RAI1: variants seen among roughly 807,000 people sequenced by gnomAD.
The protein encoded by RAI1 is retinoic acid induced 1.
RAI1 carries 9 observed loss-of-function variants against 123.8 expected under a neutral mutation model. The observed-to-expected ratio is 0.07, with a 90% CI of 0.04 to 0.13. The LOEUF (loss-of-function observed/expected upper bound fraction) is 0.13, where lower values mean the gene tolerates loss of function less well. Ranked by LOEUF, RAI1 falls within the 10% of genes least tolerant of loss-of-function variation. RAI1 has a pLI of 1.00. For missense variants in RAI1, 2,256 were observed against 2,545.8 expected (o/e 0.89, Z 2.45); for synonymous variants, 1,231 against 1,127.3 (o/e 1.09, Z -1.84).
At chr17:17,752,790 C>T (rs2030261976) in intron 2 of RAI1, among the ~76,000 whole-genome samples, 2 of 152,232 alleles carry the variant, frequency 1.3e-5, no homozygotes, top group Admixed American at 1.3e-4. Flanking sequence ...TCCTCACCCC[C>T]TCAGGAGGCT....
chr17:17,699,951 C>T (rs1215013301), intron 1 of RAI1, among the ~76,000 whole-genome samples: 1 of 152,224 alleles, frequency 6.6e-6, no homozygotes, highest in Non-Finnish European at 1.5e-5. Context: ...TTGGGTGTCC[C>T]CCTCCAAGCC....
At chr17:17,739,497 G>A (rs1300218324) in intron 2 of RAI1, among the ~76,000 whole-genome samples, 3 of 152,234 alleles carry the variant, frequency 2.0e-5, no homozygotes, top group African/African-American at 7.2e-5. Context: ...GAGAGAATCT[G>A]GCAGCCAGGG....
At chr17:17,757,237 G>A (rs1693414843) in intron 2 of RAI1, among the ~76,000 whole-genome samples, 1 of 152,338 alleles carries the variant, frequency 6.6e-6, no homozygotes, top group African/African-American at 2.4e-5. Flanking sequence ...TGGCTTCTCT[G>A]GCCTGAAGAC....
intron 1 of RAI1, among the ~76,000 whole-genome samples, chr17:17,710,446 C>T (rs1226954371): frequency 6.6e-6 from 1 of 152,230 alleles, no homozygotes. Context: ...AGTGCTCCAT[C>T]CCCCACCCCA....
At chr17:17,722,930 G>A (rs1463181658) in intron 1 of RAI1, among the ~76,000 whole-genome samples, 1 of 152,214 alleles carries the variant, frequency 6.6e-6, no homozygotes, top group Non-Finnish European at 1.5e-5. Context: ...TTCTGCCGCG[G>A]TGCGATCCCC....
rs2032329873 is a variant in RAI1 at position 17,798,102 on chromosome 17, A to T, written c.5154A>T (p.Lys1718Asn). The T allele has an allele frequency of 6.2e-7, 1 of 1,613,658 alleles. No homozygotes were observed. ...ACTGCCTCCCCAAAAAGAAGCCAAA[A>T]CTCAAGGAGAAGGTGCGGCCAGAAG... is the stretch of plus-strand genomic sequence containing the variant. ...PEHCLPKKKPKLKEKVRPEGT... is the reference protein window; with the variant it reads ...PEHCLPKKKPNLKEKVRPEGT... Residue 1718 changes from lysine (K) to asparagine (N), a missense_variant, in exon 3 of 6, where the codon AAA becomes AAT. Physicochemically the swap from Lys to Asn is moderately conservative, Grantham distance 94 (BLOSUM62 0). Coordinates refer to ENST00000353383, the MANE Select transcript of RAI1 (RefSeq NM_030665.4).
intron 2 of RAI1, among the ~76,000 whole-genome samples, chr17:17,766,655 A>G (rs1320802986): frequency 6.6e-6 from 1 of 152,236 alleles, no homozygotes; most frequent in South Asian, 2.1e-4. Context: ...TGCGAGGCCC[A>G]GGGCGGGGAC....
intron 1 of RAI1, among the ~76,000 whole-genome samples, chr17:17,697,679 A>G (rs1915083710): frequency 6.6e-6 from 1 of 152,138 alleles, no homozygotes; most frequent in Non-Finnish European, 1.5e-5. Flanking sequence ...GTGTGTGTGT[A>G]AAAAGTGAGT....
intron 2 of RAI1, chr17:17,778,703 C>T: frequency 2.2e-6 from 1 of 456,722 alleles, no homozygotes; most frequent in South Asian, 1.5e-5. Context: ...TCAAAAGCCT[C>T]CCTTTCCGGA....
rs761383970 is a variant in RAI1 at position 17,798,390 on chromosome 17, G to C, written c.5442G>C (p.Glu1814Asp). ...AGTGCAGCAAGGAGGCTCCGGCAGA[G>C]CCCGGCGGGGAGGCCCAGGAGCACT... Reference protein sequence around the residue: ...KHECSKEAPAEPGGEAQEHWV... With the variant: ...KHECSKEAPADPGGEAQEHWV... Residue 1814 changes from glutamate to aspartate, a missense_variant, in exon 3 of 6, where the codon GAG becomes GAC. Glu to Asp is a conservative substitution (Grantham distance 45). Transcript: ENST00000353383. 1.2e-6 allele frequency: 2 copies of C among 1,609,858 alleles called. No individual in the cohort carries two copies. The highest frequency in any genetic ancestry group is 1.1e-5 in the South Asian group (1 of 90,622).
intron 2 of RAI1, among the ~76,000 whole-genome samples, chr17:17,730,971 G>A (rs141385029): frequency 1.2e-4 from 18 of 152,352 alleles, no homozygotes; most frequent in African/African-American, 4.1e-4. Context: ...GTGGCCGAGA[G>A]AGAGCCCTTT....
Position 17,810,951 on chromosome 17 carries a change from C to T in RAI1, c.*970C>T, listed in dbSNP as rs2032746592. The T allele has an allele frequency of 3.0e-6, 1 of 329,024 alleles. No individual in the cohort carries two copies. Among genetic ancestry groups the T allele is most frequent in the Admixed American group, 3.9e-5 (1 of 25,872 alleles). 20.4% of individuals were successfully genotyped at this position (329,024 alleles called of 1,614,324 possible). On this transcript the variant is annotated 3_prime_UTR_variant, in exon 6 of 6. Coordinates refer to ENST00000353383, the MANE Select transcript of RAI1 (RefSeq NM_030665.4). The surrounding 1 kb of genome is among the most constrained non-coding windows in gnomAD (Gnocchi z 4.6). ...AGAATGTATATATGTTGGGAACATG[C>T]TCGCTTCTCCCGTGTGTCGCCGCCG...
At chr17:17,732,826 G>A (rs1362951534) in intron 2 of RAI1, among the ~76,000 whole-genome samples, 1 of 152,138 alleles carries the variant, frequency 6.6e-6, no homozygotes. Context: ...ACTTTCCCAT[G>A]CCCTGTGCAG....
intron 1 of RAI1, among the ~76,000 whole-genome samples, chr17:17,722,803 AGGGGAGGCGCGCGATGAAGGCCC>A (rs372431168): frequency 0.017 from 2,629 of 152,276 alleles, 75 homozygotes; most frequent in African/African-American, 0.06. Context: ...TGATGCGGCT[AGGGGAGGCGCGCGATGAAGGCCC>A]CCCTCTTCTC....
Position 17,809,883 on chromosome 17 carries a change from T to A in RAI1, c.5710-87T>A. On this transcript the variant is annotated intron_variant, in intron 5 of 5. Coordinates refer to ENST00000353383, the MANE Select transcript of RAI1 (RefSeq NM_030665.4). This position sits in a 1 kb window ranked among gnomAD's most constrained non-coding sequence, Gnocchi z 4.9. Reference sequence around the variant, plus strand: ...CTCTGGGGTCGCCTGGGTCTGGGGCTTAGGCGGGGGGCCCACACTGGGGGC... The same window carrying A: ...CTCTGGGGTCGCCTGGGTCTGGGGCATAGGCGGGGGGCCCACACTGGGGGC... 1 of 1,541,236 alleles carries A rather than the reference T, an allele frequency of 6.5e-7. No homozygotes were observed. Among genetic ancestry groups the A allele is most frequent in the South Asian group, 1.2e-5 (1 of 83,772 alleles).
At position 17,794,450 on chromosome 17, in the gene RAI1, C is replaced by A; in HGVS notation, c.1502C>A (p.Pro501Gln). The A allele has an allele frequency of 6.2e-7, 1 of 1,612,602 alleles. No individual in the cohort carries two copies. The highest frequency in any genetic ancestry group is 2.2e-5 in the East Asian group (1 of 44,880). ...GCAGGCACACCGCTGTCAGAGCCGC[C>A]GAGCAGCACGCCACAGTCCACGCAT... ...EPAGTPLSEP[P>Q]SSTPQSTHAE... The change falls in exon 3 of 6, where the codon CCG (proline) becomes CAG (glutamine). Residue 501 changes from proline (P) to glutamine (Q), a missense_variant. Coordinates refer to ENST00000353383, the MANE Select transcript of RAI1 (RefSeq NM_030665.4).
At chr17:17,808,391 T>G (rs1228871849) in intron 4 of RAI1, among the ~76,000 whole-genome samples, 1 of 98,266 alleles carries the variant, frequency 1.0e-5, no homozygotes, top group African/African-American at 5.1e-5. Context: ...ATTTTATTAT[T>G]TTATTTTATT....
intron 1 of RAI1, among the ~76,000 whole-genome samples, chr17:17,692,289 G>A (rs567386684): frequency 1.3e-5 from 2 of 152,334 alleles, no homozygotes; most frequent in Admixed American, 1.3e-4. Flanking sequence ...GTTCCTGACA[G>A]GAGGGCCAAC....
At chr17:17,729,306 T>C (rs948005174) in intron 2 of RAI1, among the ~76,000 whole-genome samples, 6 of 151,716 alleles carry the variant, frequency 4.0e-5, no homozygotes, top group African/African-American at 1.5e-4. Context: ...TAGAAAAGAG[T>C]AGTGGTAACA....
Sources: gnomAD v4.1 joint callset for allele counts (sites outside exome capture counted in the v4.1 genomes callset) on GRCh38, gnomAD v4.1.1 for gene constraint, Gnocchi (gnomAD v3.1) non-coding constraint, MANE v1.5 for transcripts, NCBI Gene and HGNC (gene_info 2026-07-23, HGNC 2026-07-21) for gene names.